Variants in LHPP observed in about 807,000 individuals in gnomAD.
LHPP encodes the protein phospholysine phosphohistidine inorganic pyrophosphate phosphatase, also known as hLHPP.
In LHPP, 24 loss-of-function variants were observed where a neutral mutation model predicts 30.3. The observed-to-expected ratio is 0.79, with a 90% CI of 0.57 to 1.11. The LOEUF (loss-of-function observed/expected upper bound fraction) is 1.11. LHPP is among the 50% of genes most tolerant of loss of function. LHPP has a pLI of 0.00. For synonymous variants in LHPP, 150 were observed against 157.1 expected (o/e 0.95, Z 0.34); for missense variants, 356 against 367.2 (o/e 0.97, Z 0.25).
At chr10:124,483,331 G>T (rs756886280) in intron 1 of LHPP, among the ~76,000 whole-genome samples, 100 of 152,314 alleles carry the variant, frequency 6.6e-4, no homozygotes, top group African/African-American at 2.3e-3. Flanking sequence ...AGGCGTGGAC[G>T]TGTGCAGCTC....
intron 6 of LHPP, among the ~76,000 whole-genome samples, chr10:124,544,857 C>G (rs1297270188): frequency 1.3e-5 from 2 of 151,650 alleles, no homozygotes; most frequent in Non-Finnish European, 2.9e-5. Context: ...GACACCATCA[C>G]GTGGAAGGCG....
At chr10:124,597,738 C>A (rs1589706231) in intron 6 of LHPP, among the ~76,000 whole-genome samples, 1 of 147,294 alleles carries the variant, frequency 6.8e-6, no homozygotes, top group Non-Finnish European at 1.5e-5. Flanking sequence ...CTGAGCCCAG[C>A]GTGTGCCCTG....
chr10:124,595,295 G>C lies in LHPP; in HGVS notation c.717-17969G>C, dbSNP rs1196098927. 3.9e-5 allele frequency among the ~76,000 whole-genome samples: 6 copies of C among 152,236 alleles called. No individual in the cohort carries two copies. In the South Asian group the frequency reaches 6.2e-4, roughly 16 times the overall value. On this transcript the variant is annotated intron_variant, in intron 6 of 6. Transcript: ENST00000368842. ...AGGAGGGCACCCAGCAGGCTGCCAG[G>C]GGGAGGAGGAGGGACTGCAGTCTGG... is the stretch of plus-strand genomic sequence containing the variant.
At chr10:124,594,329 CAAAAAAA>C (rs71026102) in intron 6 of LHPP, among the ~76,000 whole-genome samples, 1 of 75,344 alleles carries the variant, frequency 1.3e-5, no homozygotes. Context: ...GACTCCATCT[CAAAAAAA>C]AAAAAAAAAA....
At chr10:124,607,755 A>G (rs1361799695) in intron 6 of LHPP, among the ~76,000 whole-genome samples, 3 of 152,202 alleles carry the variant, frequency 2.0e-5, no homozygotes, top group Non-Finnish European at 4.4e-5. Flanking sequence ...CGCTTCGGGC[A>G]ACAAGGAACC....
At chr10:124,579,638 G>A (rs761854220) in intron 6 of LHPP, among the ~76,000 whole-genome samples, 9 of 152,138 alleles carry the variant, frequency 5.9e-5, no homozygotes, top group Non-Finnish European at 1.0e-4. Context: ...CAAACTTGCC[G>A]GGTAATATGG....
intron 6 of LHPP, among the ~76,000 whole-genome samples, chr10:124,571,277 G>A (rs1948580949): frequency 6.6e-6 from 1 of 152,228 alleles, no homozygotes; most frequent in African/African-American, 2.4e-5. Flanking sequence ...GAACACTAAT[G>A]TATAGGTTTT....
At chr10:124,539,691 G>A (rs184635054) in intron 6 of LHPP, among the ~76,000 whole-genome samples, 109 of 146,754 alleles carry the variant, frequency 7.4e-4, no homozygotes, top group African/African-American at 2.6e-3. Context: ...AGCTGAGATC[G>A]TGCCACTGCA....
chr10:124,591,085 C>T (rs1273514961), intron 6 of LHPP, among the ~76,000 whole-genome samples: 2 of 151,936 alleles, frequency 1.3e-5, no homozygotes, highest in Admixed American at 6.6e-5. Context: ...GGAAATAAGC[C>T]GGGGGGAAGG....
At chr10:124,554,568 A>G (rs1948256979) in intron 6 of LHPP, among the ~76,000 whole-genome samples, 2 of 152,246 alleles carry the variant, frequency 1.3e-5, no homozygotes, top group African/African-American at 4.8e-5. Flanking sequence ...TGCCCGGTGC[A>G]GAGCCACTGC....
At chr10:124,605,847 G>A (rs1274217121) in intron 6 of LHPP, among the ~76,000 whole-genome samples, 1 of 152,004 alleles carries the variant, frequency 6.6e-6, no homozygotes, top group Non-Finnish European at 1.5e-5. Flanking sequence ...CCAGTGGAGG[G>A]GGAGGGGGAA....
chr10:124,469,932 G>A (rs1009549349), intron 1 of LHPP, among the ~76,000 whole-genome samples: 2 of 152,190 alleles, frequency 1.3e-5, no homozygotes, highest in Admixed American at 6.5e-5. Context: ...AGCCAGGCAG[G>A]CATCTGGGCT....
chr10:124,588,796 G>A (rs999924699), intron 6 of LHPP, among the ~76,000 whole-genome samples: 1 of 152,152 alleles, frequency 6.6e-6, no homozygotes, highest in Non-Finnish European at 1.5e-5. Flanking sequence ...CCTACCCCAA[G>A]GCCTCCCTTG....
intron 5 of LHPP, among the ~76,000 whole-genome samples, chr10:124,505,031 C>T (rs1057096943): frequency 3.3e-5 from 5 of 151,984 alleles, no homozygotes; most frequent in African/African-American, 7.3e-5. Flanking sequence ...CTGGTGGCTC[C>T]GAGCATATGT....
chr10:124,575,209 T>C (rs1004082600), intron 6 of LHPP, among the ~76,000 whole-genome samples: 1 of 151,878 alleles, frequency 6.6e-6, no homozygotes. Context: ...GTGATCAAGG[T>C]TCATGTCACC....
intron 5 of LHPP, among the ~76,000 whole-genome samples, chr10:124,499,174 C>G (rs979905958): frequency 2.6e-5 from 4 of 151,848 alleles, no homozygotes; most frequent in Non-Finnish European, 5.9e-5. Flanking sequence ...GCCACCATGC[C>G]CAGCCCCGGC....
intron 6 of LHPP, among the ~76,000 whole-genome samples, chr10:124,551,196 G>C (rs1948158415): frequency 6.6e-6 from 1 of 152,172 alleles, no homozygotes; most frequent in African/African-American, 2.4e-5. Flanking sequence ...CTGCCTCAGA[G>C]ACTGCGCAGA....
At chr10:124,479,708 G>A (rs1953067227) in intron 1 of LHPP, among the ~76,000 whole-genome samples, 1 of 152,124 alleles carries the variant, frequency 6.6e-6, no homozygotes, top group Admixed American at 6.5e-5. Context: ...CTGTCATGTG[G>A]GAGTCCCACC....
intron 6 of LHPP, among the ~76,000 whole-genome samples, chr10:124,547,639 G>A (rs556865229): frequency 9.2e-5 from 14 of 152,364 alleles, no homozygotes; most frequent in South Asian, 2.1e-4. Context: ...GCCTGAAAGC[G>A]GAGGAATTCT....
Sources: allele counts gnomAD v4.1 joint callset (sites outside exome capture counted in the v4.1 genomes callset), GRCh38; gene constraint gnomAD v4.1.1; transcripts MANE v1.5; gene names NCBI Gene and HGNC (gene_info 2026-07-23, HGNC 2026-07-21).